Variants in SLC24A2 observed in about 807,000 individuals in gnomAD.
The protein encoded by SLC24A2 is solute carrier family 24 member 2, also known as sodium/potassium/calcium exchanger 2.
Under a neutral mutation model 62.0 loss-of-function variants are expected in SLC24A2, and 36 were observed. The observed-to-expected ratio is 0.58, with a 90% CI of 0.44 to 0.77. The LOEUF is 0.77. Ranked by LOEUF, SLC24A2 falls within the 30% of genes least tolerant of loss-of-function variation. The pLI is 0.00. For missense variants in SLC24A2, 846 were observed against 817.9 expected, an observed-to-expected ratio of 1.03 and a Z score of -0.42; for synonymous variants, 358 against 294.0, an observed-to-expected ratio of 1.22 and a Z score of -2.23.
the SLC24A2 span, among the ~76,000 whole-genome samples, chr9:19,905,937 C>G: frequency 8.6e-5 from 13 of 151,466 alleles, no homozygotes; most frequent in East Asian, 1.9e-4. Flanking sequence ...AAGTTAACAA[C>G]GATATCCAGG....
chr9:19,828,627 C>T, the SLC24A2 span, among the ~76,000 whole-genome samples: 5 of 152,016 alleles, frequency 3.3e-5, no homozygotes, highest in Non-Finnish European at 7.4e-5. Context: ...CTGTTCCTGC[C>T]CTTACTCTCC....
chr9:19,955,105 C>A, the SLC24A2 span, among the ~76,000 whole-genome samples: 3 of 152,004 alleles, frequency 2.0e-5, no homozygotes, highest in Admixed American at 2.0e-4. Context: ...ATATTATGCT[C>A]TTTCTGAAAT....
chr9:19,646,300 GA>G (rs1362537620), intron 2 of SLC24A2, among the ~76,000 whole-genome samples: 3 of 152,164 alleles, frequency 2.0e-5, no homozygotes, highest in Non-Finnish European at 4.4e-5. Flanking sequence ...AAGAAAATCT[GA>G]AGAGAAATTG....
At chr9:19,666,706 CTTTT>C (rs377375198) in intron 2 of SLC24A2, among the ~76,000 whole-genome samples, 1 of 151,888 alleles carries the variant, frequency 6.6e-6, no homozygotes, top group Non-Finnish European at 1.5e-5. Context: ...TGACTAGCAG[CTTTT>C]TTTTCCCCTG....
chr9:19,663,342 C>A (rs564821716), intron 2 of SLC24A2, among the ~76,000 whole-genome samples: 3 of 152,278 alleles, frequency 2.0e-5, no homozygotes, highest in African/African-American at 7.2e-5. Flanking sequence ...AGAGCAGAAG[C>A]CTTCCGATCG....
At chr9:20,260,489 G>A in the SLC24A2 span, among the ~76,000 whole-genome samples, 1 of 152,056 alleles carries the variant, frequency 6.6e-6, no homozygotes. Flanking sequence ...TTGGTTTCTG[G>A]GTAGCTAAAT....
At chr9:19,787,627 G>C (rs1318609342) in intron 1 of SLC24A2, among the ~76,000 whole-genome samples, 1 of 151,962 alleles carries the variant, frequency 6.6e-6, no homozygotes, top group African/African-American at 2.4e-5. Context: ...TATCAGATGC[G>C]GGAAAGTAGT....
At chr9:19,630,227 C>T (rs911463150) in intron 2 of SLC24A2, among the ~76,000 whole-genome samples, 1 of 152,042 alleles carries the variant, frequency 6.6e-6, no homozygotes, top group African/African-American at 2.4e-5. Flanking sequence ...TAGAGAGAAG[C>T]TGGCAAAGAC....
the SLC24A2 span, among the ~76,000 whole-genome samples, chr9:20,165,583 C>T: frequency 2.6e-5 from 4 of 151,668 alleles, no homozygotes; most frequent in African/African-American, 7.3e-5. Flanking sequence ...TTTGGGTAGA[C>T]ATTTGAAAAA....
the SLC24A2 span, among the ~76,000 whole-genome samples, chr9:20,088,936 G>T: frequency 6.6e-6 from 1 of 152,154 alleles, no homozygotes; most frequent in Non-Finnish European, 1.5e-5. Flanking sequence ...ACTAGGGACT[G>T]GAATAGACTC....
the SLC24A2 span, among the ~76,000 whole-genome samples, chr9:19,880,807 A>T: frequency 2.0e-5 from 3 of 152,294 alleles, no homozygotes; most frequent in South Asian, 6.2e-4. Context: ...TAACGATCAA[A>T]CCAAAGATTT....
chr9:19,567,240 A>C (rs1835691704), intron 7 of SLC24A2, among the ~76,000 whole-genome samples: 1 of 151,536 alleles, frequency 6.6e-6, no homozygotes, highest in African/African-American at 2.4e-5. Flanking sequence ...ATACTAAAAA[A>C]CGAGAAGTAA....
chr9:19,967,450 G>C, the SLC24A2 span: 6 of 152,194 alleles, frequency 3.9e-5, no homozygotes, highest in Middle Eastern at 3.2e-3. Context: ...GGTCTTCTGA[G>C]TCTATATTTT....
intron 2 of SLC24A2, among the ~76,000 whole-genome samples, chr9:19,682,250 C>G (rs933440194): frequency 6.6e-6 from 1 of 152,136 alleles, no homozygotes; most frequent in African/African-American, 2.4e-5. Context: ...GTCTCAATGT[C>G]TAAGGCAGCA....
At chr9:19,923,896 C>T in the SLC24A2 span, among the ~76,000 whole-genome samples, 1 of 152,110 alleles carries the variant, frequency 6.6e-6, no homozygotes, top group African/African-American at 2.4e-5. Context: ...TACAGGTGTG[C>T]ACCACCATGT....
chr9:20,145,497 T>C, the SLC24A2 span, among the ~76,000 whole-genome samples: 1 of 152,030 alleles, frequency 6.6e-6, no homozygotes, highest in Non-Finnish European at 1.5e-5. Flanking sequence ...ATAGTGATTT[T>C]CCTAAGAATG....
the SLC24A2 span, among the ~76,000 whole-genome samples, chr9:20,019,766 T>C: frequency 6.6e-6 from 1 of 151,406 alleles, no homozygotes; most frequent in Admixed American, 6.6e-5. Flanking sequence ...AAAGAAACTA[T>C]CATCAGAGTG....
chr9:19,534,784 G>C lies in SLC24A2; in HGVS notation c.1480-6646C>G, dbSNP rs189306685. Among the ~76,000 whole-genome samples, 16 of 152,266 alleles carry C rather than the reference G, an allele frequency of 1.1e-4. No homozygotes were observed. In the East Asian group the frequency reaches 2.7e-3, roughly 26 times the overall value. ...TGATGGACATGTGGGTTGGTTCCAA[G>C]TCTTTGCTATTGTGAATAGTGCCAC... On this transcript the variant is annotated intron_variant, in intron 8 of 10. Coordinates refer to ENST00000341998, the MANE Select transcript of SLC24A2 (RefSeq NM_020344.4).
the SLC24A2 span, among the ~76,000 whole-genome samples, chr9:20,052,891 C>T: frequency 3.3e-5 from 5 of 152,124 alleles, no homozygotes; most frequent in Admixed American, 6.5e-5. Flanking sequence ...TTACTATGTG[C>T]GCACTGGCAT....
Sources: allele counts gnomAD v4.1 joint callset (sites outside exome capture counted in the v4.1 genomes callset), GRCh38; gene constraint gnomAD v4.1.1; transcripts MANE v1.5; gene names NCBI Gene and HGNC (gene_info 2026-07-23, HGNC 2026-07-21).